SCHIP1: variants seen among roughly 807,000 people sequenced by gnomAD.
SCHIP1 encodes schwannomin interacting protein 1.
A neutral mutation model predicts 29.7 loss-of-function variants in SCHIP1; 8 were observed. The observed-to-expected ratio is 0.27, with a 90% CI of 0.16 to 0.49. The LOEUF is 0.49. SCHIP1 is among the 20% of genes least tolerant of loss of function. The probability of loss-of-function intolerance (pLI) is 0.99; values close to 1 mark genes in which losing one functional copy is unlikely to be tolerated. For synonymous variants in SCHIP1, 76 were observed against 94.9 expected, an observed-to-expected ratio of 0.80 and a Z score of 1.16; for missense variants, 193 against 294.6, an observed-to-expected ratio of 0.66 and a Z score of 2.52.
the SCHIP1 span, among the ~76,000 whole-genome samples, chr3:159,381,701 T>C: frequency 6.6e-6 from 1 of 151,970 alleles, no homozygotes; most frequent in South Asian, 2.1e-4. Context: ...GTTCGAGAGA[T>C]TCTTGTGCCC....
chr3:159,758,048 C>A, the SCHIP1 span, among the ~76,000 whole-genome samples: 1 of 152,258 alleles, frequency 6.6e-6, no homozygotes, highest in South Asian at 2.1e-4. Context: ...CTTCCCTGAC[C>A]CTTGCAGTTG....
At chr3:159,571,971 T>G in the SCHIP1 span, among the ~76,000 whole-genome samples, 1 of 152,202 alleles carries the variant, frequency 6.6e-6, no homozygotes, top group Non-Finnish European at 1.5e-5. Flanking sequence ...TCGGTGGTGA[T>G]ATCTCCTTTA....
At chr3:159,619,499 G>A in the SCHIP1 span, among the ~76,000 whole-genome samples, 1 of 152,140 alleles carries the variant, frequency 6.6e-6, no homozygotes, top group Non-Finnish European at 1.5e-5. Flanking sequence ...GGGCTTAAAC[G>A]CTTTTTCCTA....
chr3:159,879,386 G>T (rs1270324363), intron 2 of SCHIP1, among the ~76,000 whole-genome samples: 1 of 151,496 alleles, frequency 6.6e-6, no homozygotes, highest in Non-Finnish European at 1.5e-5. Flanking sequence ...GTGATATTGT[G>T]TAATTTAACC....
At chr3:159,465,317 GTGTGTGTGTGTGTGTGTGTGTGTT>G in the SCHIP1 span, among the ~76,000 whole-genome samples, 1 of 128,874 alleles carries the variant, frequency 7.8e-6, no homozygotes, top group East Asian at 2.0e-4. Context: ...GTGTATGATT[GTGTGTGTGTGTGTGTGTGTGTGTT>G]TGTGTGCGTG....
At chr3:159,301,384 T>C in the SCHIP1 span, among the ~76,000 whole-genome samples, 2 of 152,100 alleles carry the variant, frequency 1.3e-5, no homozygotes, top group East Asian at 1.9e-4. Context: ...GACTTTTTTT[T>C]CTTCCCTCTT....
the SCHIP1 span, among the ~76,000 whole-genome samples, chr3:159,470,386 A>G: frequency 3.3e-5 from 5 of 152,306 alleles, no homozygotes; most frequent in African/African-American, 1.2e-4. Flanking sequence ...CATCTGGCAT[A>G]ACAAATGATT....
intron 2 of SCHIP1, among the ~76,000 whole-genome samples, chr3:159,877,354 G>A (rs56986069): frequency 0.34 from 50,975 of 151,984 alleles, 9,318 homozygotes; most frequent in African/African-American, 0.49. Context: ...CTGTTTCAAA[G>A]AATAAAAAAT....
intron 1 of SCHIP1, among the ~76,000 whole-genome samples, chr3:159,846,813 GT>G (rs1711904958): frequency 6.6e-6 from 1 of 152,006 alleles, no homozygotes; most frequent in Admixed American, 6.6e-5. Flanking sequence ...ATATAGTTCT[GT>G]TTTTCCAAAG....
the SCHIP1 span, among the ~76,000 whole-genome samples, chr3:159,773,159 C>T: frequency 1.3e-5 from 2 of 152,306 alleles, no homozygotes; most frequent in South Asian, 2.1e-4. Flanking sequence ...ATGAAAAGGG[C>T]GTTTGCGGGT....
At chr3:159,554,240 G>A in the SCHIP1 span, among the ~76,000 whole-genome samples, 1 of 152,178 alleles carries the variant, frequency 6.6e-6, no homozygotes, top group Non-Finnish European at 1.5e-5. Context: ...TGTTCTGAAT[G>A]AAAACTGGAT....
chr3:159,657,490 A>G, the SCHIP1 span, among the ~76,000 whole-genome samples: 7 of 152,256 alleles, frequency 4.6e-5, no homozygotes, highest in Non-Finnish European at 8.8e-5. Flanking sequence ...AATCTGTCAC[A>G]CAGTCTAAAC....
chr3:159,534,769 G>A, the SCHIP1 span, among the ~76,000 whole-genome samples: 19 of 152,168 alleles, frequency 1.2e-4, no homozygotes, highest in Non-Finnish European at 2.8e-4. Flanking sequence ...TTCTGTATAA[G>A]ACGGATTTAG....
chr3:159,555,600 A>C, the SCHIP1 span, among the ~76,000 whole-genome samples: 26 of 152,276 alleles, frequency 1.7e-4, no homozygotes, highest in African/African-American at 6.0e-4. Flanking sequence ...TGTGTTTTGC[A>C]TGTATGAATA....
At chr3:159,873,892 A>G (rs542685002) in intron 2 of SCHIP1, among the ~76,000 whole-genome samples, 26 of 152,320 alleles carry the variant, frequency 1.7e-4, no homozygotes, top group African/African-American at 5.3e-4. Flanking sequence ...TATTACTAGT[A>G]TGATACTTTC....
chr3:159,392,931 A>C, the SCHIP1 span, among the ~76,000 whole-genome samples: 2 of 152,204 alleles, frequency 1.3e-5, no homozygotes, highest in East Asian at 3.8e-4. Flanking sequence ...TCCCACCAAC[A>C]GTGTAAAAGT....
the SCHIP1 span, among the ~76,000 whole-genome samples, chr3:159,431,295 G>A: frequency 6.6e-6 from 1 of 151,918 alleles, no homozygotes; most frequent in South Asian, 2.1e-4. Context: ...TGTGTGGGAG[G>A]GTGTGGTGGG....
chr3:159,302,023 A>T, the SCHIP1 span, among the ~76,000 whole-genome samples: 1 of 152,194 alleles, frequency 6.6e-6, no homozygotes, highest in East Asian at 1.9e-4. Context: ...CATTTGTTTT[A>T]CATTTTCTTA....
the SCHIP1 span, among the ~76,000 whole-genome samples, chr3:159,390,801 T>C: frequency 1.6e-4 from 25 of 152,048 alleles, no homozygotes; most frequent in East Asian, 4.9e-3. Context: ...TGTGTAGACT[T>C]TGTCATGCAG....
Sources: gnomAD v4.1 joint callset for allele counts (sites outside exome capture counted in the v4.1 genomes callset) on GRCh38, gnomAD v4.1.1 for gene constraint, MANE v1.5 for transcripts, NCBI Gene and HGNC (gene_info 2026-07-23, HGNC 2026-07-21) for gene names.